The following SEPHS1 variants were observed in gnomAD, a reference collection of about 807,000 sequenced individuals.
SEPHS1 encodes the protein zincore component SEPHS1.
Under a neutral mutation model 39.2 loss-of-function variants are expected in SEPHS1, and 7 were observed. The ratio of observed to expected loss-of-function variants is 0.18; its 90% CI spans 0.10 to 0.34. The LOEUF (loss-of-function observed/expected upper bound fraction) is 0.34. Ranked by LOEUF, SEPHS1 falls within the 10% of genes least tolerant of loss-of-function variation. The probability of loss-of-function intolerance (pLI) is 1.00; values close to 1 mark genes in which losing one functional copy is unlikely to be tolerated. For missense variants in SEPHS1, 253 were observed against 514.5 expected (o/e 0.49, Z 4.92); for synonymous variants, 190 against 195.5 (o/e 0.97, Z 0.23).
In SEPHS1 at chr10:13,322,701, T is replaced by G. The variant is rs1833151482; in HGVS notation, c.964+134A>C. ...CACCGGGAGGAGGAAAGGCACCAGC[T>G]GCTGCGGAGGCCGAGGTCAGCAGCA... On this transcript the variant is annotated intron_variant, in intron 8 of 8. Coordinates refer to ENST00000327347, the MANE Select transcript of SEPHS1 (RefSeq NM_012247.5). 43 of 788,890 alleles carry G rather than the reference T, an allele frequency of 5.5e-5. 1 individual carries two copies. In the South Asian group the frequency reaches 7.1e-4, roughly 13 times the overall value. 48.9% of individuals were successfully genotyped at this position (788,890 alleles called of 1,614,324 possible).
At chr10:13,338,363 A>G (rs990876166) in intron 3 of SEPHS1, among the ~76,000 whole-genome samples, 3 of 152,200 alleles carry the variant, frequency 2.0e-5, no homozygotes, top group Non-Finnish European at 4.4e-5. Flanking sequence ...GAGGTTACCA[A>G]TGTCAAAGAA....
chr10:13,323,208 A>G (rs938188140), intron 7 of SEPHS1, among the ~76,000 whole-genome samples, 161 bp from the exon 8 acceptor site: 1 of 152,204 alleles, frequency 6.6e-6, no homozygotes, highest in African/African-American at 2.4e-5. Context: ...TGAAATTCCA[A>G]AAGTTCTTAT....
chr10:13,339,041 T>C (rs1206256955), intron 2 of SEPHS1, among the ~76,000 whole-genome samples: 1 of 152,226 alleles, frequency 6.6e-6, no homozygotes, highest in Non-Finnish European at 1.5e-5. Flanking sequence ...AACTCCAATA[T>C]GGCATAGTTT....
Position 13,329,790 on chromosome 10 carries a change from T to C in SEPHS1, c.561-2A>G. On this transcript the variant is annotated splice_acceptor_variant, in intron 5 of 8. Coordinates refer to ENST00000327347, the MANE Select transcript of SEPHS1 (RefSeq NM_012247.5). LOFTEE classifies it high-confidence loss of function. ...TCCCCTGGCACTGCATTGTCTGGCC[T>C]GAAGAAAAGAAAAGGGCATGTTCTA... 1 of 1,605,120 alleles carries C rather than the reference T, an allele frequency of 6.2e-7. No individual in the cohort carries two copies. Among genetic ancestry groups the C allele is most frequent in the Non-Finnish European group, 8.5e-7 (1 of 1,176,122 alleles).
chr10:13,330,517 G>A (rs990075123), intron 5 of SEPHS1, among the ~76,000 whole-genome samples: 1 of 152,172 alleles, frequency 6.6e-6, no homozygotes, highest in African/African-American at 2.4e-5. Context: ...TACCAGACTT[G>A]CATTCACACT....
At chr10:13,347,748 C>CCCCGCCCTCCCTCCCTCCTT (rs1833971366) in intron 1 of SEPHS1, among the ~76,000 whole-genome samples, 1 of 128,802 alleles carries the variant, frequency 7.8e-6, no homozygotes, top group Non-Finnish European at 1.8e-5. Context: ...CTCCGCTCCT[C>CCCCGCCCTCCCTCCCTCCTT]CCCGCCCTCC....
At chr10:13,327,587 A>G (rs888492490) in intron 7 of SEPHS1, among the ~76,000 whole-genome samples, 11 of 152,254 alleles carry the variant, frequency 7.2e-5, no homozygotes, top group African/African-American at 2.4e-4. Context: ...AAGAGAAGAC[A>G]TATTAAAAAA....
At position 13,328,293 on chromosome 10, in the gene SEPHS1, C is replaced by G. The variant is rs1833363654; in HGVS notation, c.751+58G>C. ...TGAGACAGTATGTGGCCAGAAAAGC[C>G]TAAGACATTTACTGTCTTGGACCCC... On this transcript the variant is annotated intron_variant, in intron 7 of 8. Coordinates refer to ENST00000327347, the MANE Select transcript of SEPHS1 (RefSeq NM_012247.5). 2.0e-5 allele frequency: 24 copies of G among 1,225,522 alleles called. No homozygotes were observed. In the South Asian group the frequency reaches 2.4e-4, roughly 12 times the overall value. The allele number at this position is 1,225,522 out of a possible 1,614,324, so 75.9% of individuals were successfully genotyped here.
At chr10:13,326,100 CA>C (rs1202810529) in intron 7 of SEPHS1, among the ~76,000 whole-genome samples, 1 of 152,022 alleles carries the variant, frequency 6.6e-6, no homozygotes, top group African/African-American at 2.4e-5. Flanking sequence ...TAATTTTCTT[CA>C]TGTGAATGTC....
intron 1 of SEPHS1, among the ~76,000 whole-genome samples, chr10:13,346,015 GT>G (rs1402571317): frequency 1.3e-5 from 2 of 152,240 alleles, no homozygotes; most frequent in African/African-American, 4.8e-5. Flanking sequence ...GTTCTCTGAT[GT>G]TTTCACGCAG....
At chr10:13,332,071 A>G (rs1298363798) in intron 5 of SEPHS1, among the ~76,000 whole-genome samples, 2 of 152,250 alleles carry the variant, frequency 1.3e-5, no homozygotes, top group African/African-American at 4.8e-5. Flanking sequence ...ATGTCCACAC[A>G]AAAACTTAGA....
chr10:13,329,925 ATG>A, intron 5 of SEPHS1, 137 bp from the exon 6 acceptor site: 1 of 716,046 alleles, frequency 1.4e-6, no homozygotes, highest in Admixed American at 2.3e-5. Flanking sequence ...AACTACCAGC[ATG>A]TATGGGACAG....
At chr10:13,329,582 CTAATAT>C in intron 6 of SEPHS1, 110 bp downstream of exon 6, 1 of 695,648 alleles carries the variant, frequency 1.4e-6, no homozygotes, top group Non-Finnish European at 2.5e-6. Context: ...AAGGACTTGA[CTAATAT>C]TAACTCCCTG....
intron 3 of SEPHS1, among the ~76,000 whole-genome samples, chr10:13,337,578 C>T (rs927886467): frequency 2.0e-5 from 3 of 152,190 alleles, no homozygotes; most frequent in African/African-American, 7.2e-5. Flanking sequence ...CCATCTGTGG[C>T]CACACTTTCA....
intron 8 of SEPHS1, among the ~76,000 whole-genome samples, chr10:13,320,047 A>G (rs1426847686): frequency 2.0e-5 from 3 of 152,180 alleles, no homozygotes; most frequent in African/African-American, 7.2e-5. Context: ...GTATTTTTAG[A>G]AAATTTAAGA....
intron 7 of SEPHS1, among the ~76,000 whole-genome samples, chr10:13,325,928 AAAAAAGAGACTCAGTCTC>A (rs1833259497): frequency 3.0e-5 from 2 of 65,728 alleles, no homozygotes; most frequent in African/African-American, 1.3e-4. Flanking sequence ...AAAAAAAAAA[AAAAAAGAGACTCAGTCTC>A]AAAAAAAAAA....
At chr10:13,334,722 CAAAA>C (rs1214676153) in intron 4 of SEPHS1, among the ~76,000 whole-genome samples, 3 of 152,226 alleles carry the variant, frequency 2.0e-5, no homozygotes, top group African/African-American at 7.2e-5. Context: ...CAAAAACAAA[CAAAA>C]ACAAAAGCTA....
chr10:13,336,232 C>T lies in SEPHS1; in HGVS notation c.405+11G>A. The T allele has an allele frequency of 6.3e-7, 1 of 1,579,178 alleles. No individual in the cohort carries two copies. Among genetic ancestry groups the T allele is most frequent in the Non-Finnish European group, 8.7e-7 (1 of 1,148,970 alleles). Reference sequence around the variant, plus strand: ...CACGGACCAGGCAGCAGCCGGGTAGCTCCTACTTACCCTGTCGGTCATTTT... The same window carrying T: ...CACGGACCAGGCAGCAGCCGGGTAGTTCCTACTTACCCTGTCGGTCATTTT... On this transcript the variant is annotated intron_variant, in intron 4 of 8. Transcript: ENST00000327347.
intron 1 of SEPHS1, among the ~76,000 whole-genome samples, chr10:13,346,773 A>G (rs1398849055): frequency 2.0e-5 from 3 of 152,084 alleles, no homozygotes; most frequent in Admixed American, 6.5e-5. Context: ...TTATTTTCCT[A>G]CCTCCTATCT....
Sources: gnomAD v4.1 joint callset for allele counts (sites outside exome capture counted in the v4.1 genomes callset) on GRCh38, gnomAD v4.1.1 for gene constraint, MANE v1.5 for transcripts, NCBI Gene and HGNC (gene_info 2026-07-23, HGNC 2026-07-21) for gene names.